The following DDB2 variants were observed in gnomAD, a reference collection of about 807,000 sequenced individuals.
The protein encoded by DDB2 is DNA damage-binding protein 2.
DDB2 carries 27 observed loss-of-function variants against 50.5 expected under a neutral mutation model. That is an observed-to-expected ratio of 0.53 (90% CI 0.39 to 0.74). DDB2 has a LOEUF of 0.74. DDB2 is among the 30% of genes least tolerant of loss of function. DDB2 has a pLI of 0.00. For missense variants in DDB2, 424 were observed against 545.6 expected (o/e 0.78, Z 2.22); for synonymous variants, 176 against 205.5 (o/e 0.86, Z 1.23).
intron 3 of DDB2, among the ~76,000 whole-genome samples, chr11:47,231,870 C>T (rs1953654641): frequency 6.6e-6 from 1 of 151,942 alleles, no homozygotes; most frequent in South Asian, 2.1e-4. Context: ...GGGCTGGGGG[C>T]GAGGGGAGGG....
At chr11:47,228,266 CA>C (rs879795838) in intron 3 of DDB2, among the ~76,000 whole-genome samples, 2,655 of 135,470 alleles carry the variant, frequency 0.02, 30 homozygotes, top group South Asian at 0.058. Flanking sequence ...AACTCTGTCT[CA>C]AAAAAAAAAA....
intron 3 of DDB2, among the ~76,000 whole-genome samples, chr11:47,219,327 G>C (rs999523102): frequency 1.3e-5 from 2 of 151,784 alleles, no homozygotes; most frequent in East Asian, 3.9e-4. Context: ...CAATGGCGTT[G>C]GGTAAATTGT....
chr11:47,229,815 C>CTTT, intron 3 of DDB2: 2 of 330,322 alleles, frequency 6.1e-6, no homozygotes, highest in South Asian at 2.0e-5. Flanking sequence ...TTTGATGGCT[C>CTTT]TTCTTTTTTT....
intron 1 of DDB2, chr11:47,215,649 T>A (rs1464796197): frequency 4.5e-5 from 15 of 333,866 alleles, no homozygotes; most frequent in South Asian, 3.3e-4. Context: ...TCCTTCCTCC[T>A]TAGAAAGCTC....
intron 3 of DDB2, among the ~76,000 whole-genome samples, chr11:47,219,004 G>A (rs1953443188): frequency 3.3e-5 from 5 of 150,174 alleles, no homozygotes; most frequent in East Asian, 4.1e-4. Flanking sequence ...GAGTGCAGTG[G>A]CGCAATCTTG....
intron 7 of DDB2, 88 bp from the exon 8 acceptor site, chr11:47,237,749 G>A: frequency 7.3e-7 from 1 of 1,374,640 alleles, no homozygotes; most frequent in Non-Finnish European, 1.0e-6. Context: ...GAATACTTTT[G>A]ATGTTCCTCT....
rs1953403978 is a variant in DDB2 at position 47,216,605 on chromosome 11, C to T, written c.264+133C>T. The T allele has an allele frequency of 6.0e-6, 8 of 1,335,310 alleles. No individual in the cohort carries two copies. In the Admixed American group the frequency reaches 1.6e-4, roughly 26 times the overall value. 82.7% of individuals were successfully genotyped at this position (1,335,310 alleles called of 1,614,324 possible). A position where few individuals can be genotyped will look rare whatever the true frequency, so the allele number is the denominator to read the frequency against. ...CGATCACCCAGACTGTGGTGACTGG[C>T]CTACTGGGCACTCAGCCAGGTAAAA... On this transcript the variant is annotated intron_variant, in intron 2 of 9. Transcript: ENST00000256996.
chr11:47,224,801 T>C (rs1590993494), intron 3 of DDB2, among the ~76,000 whole-genome samples: 1 of 149,666 alleles, frequency 6.7e-6, no homozygotes, highest in East Asian at 2.1e-4. Flanking sequence ...CTTCTCTTTC[T>C]TGCCTGTGCA....
At chr11:47,221,977 C>T (rs1383489557) in intron 3 of DDB2, among the ~76,000 whole-genome samples, 1 of 152,158 alleles carries the variant, frequency 6.6e-6, no homozygotes, top group Non-Finnish European at 1.5e-5. Flanking sequence ...ATGGGGTAGT[C>T]CTACTCCAGA....
chr11:47,217,998 C>G (rs1346152530), intron 3 of DDB2, among the ~76,000 whole-genome samples: 1 of 152,160 alleles, frequency 6.6e-6, no homozygotes, highest in Non-Finnish European at 1.5e-5. Context: ...TTCCTGAAAC[C>G]GGGTCTCTGT....
chr11:47,231,445 G>C (rs1169995996), intron 3 of DDB2, among the ~76,000 whole-genome samples: 2 of 152,204 alleles, frequency 1.3e-5, no homozygotes, highest in Non-Finnish European at 1.5e-5. Flanking sequence ...TCAGAGGCAT[G>C]ATGAGTGAAA....
At position 47,228,169 on chromosome 11, in the gene DDB2, T is replaced by A. The variant is rs1181336513; in HGVS notation, c.457-4645T>A. On this transcript the variant is annotated intron_variant, in intron 3 of 9. Coordinates refer to ENST00000256996, the MANE Select transcript of DDB2 (RefSeq NM_000107.3). ...AAAAAAAAAAAAAAAAAGATTATGC[T>A]GATTTCTGTGAATTGCTTGAGCCCA... is the stretch of plus-strand genomic sequence containing the variant. 2.0e-5 allele frequency among the ~76,000 whole-genome samples: 3 copies of A among 148,666 alleles called. No individual in the cohort carries two copies. The Admixed American group carries it at 2.0e-4, about 10-fold the overall frequency.
In DDB2 at chr11:47,233,032, A is replaced by G. The variant is rs867031007; in HGVS notation, c.602+73A>G. On this transcript the variant is annotated intron_variant, in intron 4 of 9. Coordinates refer to ENST00000256996, the MANE Select transcript of DDB2 (RefSeq NM_000107.3). ...GTTCCGGCAAGAGCATCCAGATCCCATTTCCTTAACCCAACCTGGCCCAGG... is the reference window on the plus strand; with the variant it reads ...GTTCCGGCAAGAGCATCCAGATCCCGTTTCCTTAACCCAACCTGGCCCAGG... 10 of 1,549,848 alleles carry G rather than the reference A, an allele frequency of 6.5e-6. 1 individual carries two copies. The highest frequency in any genetic ancestry group is 1.8e-4 in the Middle Eastern group (1 of 5,694).
At chr11:47,222,872 A>G (rs1022151707) in intron 3 of DDB2, among the ~76,000 whole-genome samples, 3 of 152,178 alleles carry the variant, frequency 2.0e-5, no homozygotes, top group Non-Finnish European at 4.4e-5. Flanking sequence ...AGGTTTTTCT[A>G]TTTGCCCACA....
intron 3 of DDB2, among the ~76,000 whole-genome samples, chr11:47,228,368 C>T (rs550910285): frequency 6.6e-6 from 1 of 151,290 alleles, no homozygotes; most frequent in Non-Finnish European, 1.5e-5. Context: ...TGGCTGGGTG[C>T]GGTGGCTCAC....
chr11:47,237,597 ATT>A, intron 7 of DDB2: 2 of 416,492 alleles, frequency 4.8e-6, no homozygotes, highest in Non-Finnish European at 4.5e-6. Flanking sequence ...CGCCCAGCTA[ATT>A]TTTTTTTTGG....
At chr11:47,231,119 C>CAAAAAAAAAAAAAAAAAAA (rs139290057) in intron 3 of DDB2, among the ~76,000 whole-genome samples, 1 of 58,366 alleles carries the variant, frequency 1.7e-5, no homozygotes, top group Non-Finnish European at 3.1e-5. Flanking sequence ...GCCTTCATCT[C>CAAAAAAAAAAAAAAAAAAA]AAAAAAAAAA....
At position 47,239,023 on chromosome 11, in the gene DDB2, T is replaced by C. The variant is rs1171015361; in HGVS notation, c.*174T>C. ...GACTGGGACACTTTTATGTTAATGC[T>C]CTGGACTTGCCTCCAGAGACTGCTC... On this transcript the variant is annotated 3_prime_UTR_variant, in exon 10 of 10. Coordinates refer to ENST00000256996, the MANE Select transcript of DDB2 (RefSeq NM_000107.3). The C allele has an allele frequency of 3.1e-6, 2 of 640,210 alleles. No individual in the cohort carries two copies. The highest frequency in any genetic ancestry group is 5.5e-6 in the Non-Finnish European group (2 of 365,196). The allele number at this position is 640,210 out of a possible 1,614,324, so 39.7% of individuals were successfully genotyped here.
chr11:47,232,215 G>T (rs1953659003), intron 3 of DDB2, among the ~76,000 whole-genome samples: 1 of 151,978 alleles, frequency 6.6e-6, no homozygotes, highest in South Asian at 2.1e-4. Context: ...GTGGTGGTGG[G>T]CACCTGTAAT....
Sources: gnomAD v4.1 joint callset for allele counts (sites outside exome capture counted in the v4.1 genomes callset) on GRCh38, gnomAD v4.1.1 for gene constraint, MANE v1.5 for transcripts, NCBI Gene and HGNC (gene_info 2026-07-23, HGNC 2026-07-21) for gene names.